The following ACAD11 variants were observed in gnomAD, a reference collection of about 807,000 sequenced individuals.
ACAD11 encodes the protein acyl-Coenzyme A dehydrogenase family, member 11.
ACAD11 carries 83 observed loss-of-function variants against 102.2 expected under a neutral mutation model. The ratio of observed to expected loss-of-function variants is 0.81; its 90% confidence interval spans 0.68 to 0.97. ACAD11 has a LOEUF of 0.97. ACAD11 is among the 50% of genes least tolerant of loss of function. The probability of loss-of-function intolerance (pLI) is 0.00; values close to 1 mark genes in which losing one functional copy is unlikely to be tolerated. For synonymous variants in ACAD11, 324 were observed against 319.8 expected (o/e 1.01, Z -0.14); for missense variants, 901 against 951.7 (o/e 0.95, Z 0.70).
intron 1 of ACAD11, chr3:132,654,598 A>G (rs540371268): frequency 2.0e-5 from 3 of 152,364 alleles, no homozygotes; most frequent in African/African-American, 7.2e-5. Context: ...ATCTCTGCCC[A>G]TGAGAACTCT....
intron 15 of ACAD11, among the ~76,000 whole-genome samples, chr3:132,577,908 C>A (rs929667419): frequency 1.8e-4 from 27 of 152,174 alleles, no homozygotes; most frequent in African/African-American, 6.5e-4. Context: ...TTCCTACATG[C>A]AATTTTCTCC....
chr3:132,559,733 A>G (rs1461956919), intron 19 of ACAD11, 100 bp downstream of exon 19: 2 of 896,856 alleles, frequency 2.2e-6, no homozygotes, highest in African/African-American at 3.4e-5. Context: ...GCCTTCAATT[A>G]CACTGAAAAT....
At chr3:132,573,075 C>G (rs1937427692) in intron 17 of ACAD11, among the ~76,000 whole-genome samples, 1 of 152,198 alleles carries the variant, frequency 6.6e-6, no homozygotes, top group Admixed American at 6.5e-5. Context: ...TGCTCTCCCT[C>G]TCCTTGCCCC....
chr3:132,561,016 T>G (rs1354587612), intron 18 of ACAD11, 85 bp downstream of exon 18: 4 of 1,016,016 alleles, frequency 3.9e-6, no homozygotes, highest in South Asian at 1.4e-5. Flanking sequence ...GCCATCAAGA[T>G]GCCATGAAAA....
At chr3:132,605,075 A>C in intron 12 of ACAD11, 23 bp downstream of exon 12, 2 of 1,549,510 alleles carry the variant, frequency 1.3e-6, no homozygotes, top group Non-Finnish European at 1.8e-6. Flanking sequence ...CTACACAAGG[A>C]GAGAATGGTG....
intron 13 of ACAD11, among the ~76,000 whole-genome samples, chr3:132,584,067 T>C (rs1576560477): frequency 6.6e-6 from 1 of 152,216 alleles, no homozygotes; most frequent in East Asian, 1.9e-4. Flanking sequence ...TGTAGATGTC[T>C]ACTAGGTCCG....
chr3:132,590,795 A>C lies in ACAD11; in HGVS notation c.1622-11237T>G, dbSNP rs113626563. On this transcript the variant is annotated intron_variant, in intron 13 of 19. Transcript: ENST00000264990. Reference sequence around the variant, plus strand: ...GTTTCTTTCATATTTTGTTGGCTGCATATATATCTTCCTTTGAAAAGTTTC... The same window carrying C: ...GTTTCTTTCATATTTTGTTGGCTGCCTATATATCTTCCTTTGAAAAGTTTC... 6.3e-3 allele frequency among the ~76,000 whole-genome samples: 959 copies of C among 152,270 alleles called. 7 individuals are homozygous for C. The highest frequency in any genetic ancestry group is 0.022 in the African/African-American group (933 of 41,554).
chr3:132,565,560 A>C (rs974581049), intron 17 of ACAD11, among the ~76,000 whole-genome samples: 1 of 152,208 alleles, frequency 6.6e-6, no homozygotes, highest in African/African-American at 2.4e-5. Context: ...ATCACCCATA[A>C]TACCAAAAAC....
chr3:132,641,845 G>T, intron 4 of ACAD11, 127 bp downstream of exon 4: 2 of 814,290 alleles, frequency 2.5e-6, no homozygotes, highest in Non-Finnish European at 3.6e-6. Context: ...TAGTCATTCT[G>T]AAGGACAATG....
chr3:132,628,311 G>C, intron 8 of ACAD11, 29 bp downstream of exon 8: 1 of 1,536,668 alleles, frequency 6.5e-7, no homozygotes, highest in Non-Finnish European at 9.0e-7. Context: ...GCTCTAATTT[G>C]AGTTAGCCAA....
chr3:132,611,217 C>A (rs962703619), intron 11 of ACAD11, among the ~76,000 whole-genome samples: 1 of 152,034 alleles, frequency 6.6e-6, no homozygotes, highest in African/African-American at 2.4e-5. Context: ...ATCAATGGGA[C>A]GTATCTCAAA....
intron 11 of ACAD11, among the ~76,000 whole-genome samples, chr3:132,607,155 C>G (rs532206096): frequency 5.6e-4 from 85 of 152,248 alleles, no homozygotes; most frequent in African/African-American, 1.9e-3. Context: ...GAAAAATCCA[C>G]GAAGATGAGG....
At chr3:132,608,304 G>A (rs1231619812) in intron 11 of ACAD11, among the ~76,000 whole-genome samples, 1 of 152,216 alleles carries the variant, frequency 6.6e-6, no homozygotes, top group Middle Eastern at 3.4e-3. Context: ...TGGGTTAAAT[G>A]CCCCAATTTA....
intron 13 of ACAD11, 106 bp from the exon 14 acceptor site, chr3:132,579,664 T>TA (rs1937571070): frequency 1.2e-6 from 1 of 804,696 alleles, no homozygotes; most frequent in Admixed American, 2.3e-5. Flanking sequence ...AGAAAACAAA[T>TA]AGAGAGAACA....
At position 132,578,796 on chromosome 3, in the gene ACAD11, C is replaced by A; in HGVS notation, c.1774G>T (p.Asp592Tyr). 6.2e-7 allele frequency: 1 copy of A among 1,612,196 alleles called. No homozygotes were observed. Among genetic ancestry groups the A allele is most frequent in the Non-Finnish European group, 8.5e-7 (1 of 1,179,230 alleles). The change falls in exon 15 of 20, where the codon GAT becomes TAT. Residue 592 changes from aspartate to tyrosine, a missense_variant and splice_region_variant. Transcript: ENST00000264990. ...IRPLSVFGYT[D>Y]NFHGGHFEIH... ...ATGGTCATATTTATTGGATACCTAC[C>A]TGTGTAGCCAAAAACTGACAAAGGC...
At chr3:132,590,368 G>A (rs925836468) in intron 13 of ACAD11, among the ~76,000 whole-genome samples, 8 of 151,946 alleles carry the variant, frequency 5.3e-5, no homozygotes, top group Admixed American at 1.3e-4. Flanking sequence ...AGTGATTCTC[G>A]TGCCTTGGCC....
chr3:132,647,688 G>A (rs1452716721), intron 1 of ACAD11, among the ~76,000 whole-genome samples: 3 of 152,178 alleles, frequency 2.0e-5, no homozygotes, highest in Non-Finnish European at 4.4e-5. Context: ...ATGAGATCAG[G>A]AAATGGGTGA....
intron 13 of ACAD11, among the ~76,000 whole-genome samples, chr3:132,589,752 G>A (rs755125407): frequency 4.6e-5 from 7 of 152,068 alleles, no homozygotes; most frequent in Non-Finnish European, 8.8e-5. Flanking sequence ...TAAATGTGAA[G>A]GTTTGTTACA....
At chr3:132,612,092 T>C (rs2107838015) in intron 11 of ACAD11, among the ~76,000 whole-genome samples, 1 of 152,142 alleles carries the variant, frequency 6.6e-6, no homozygotes, top group East Asian at 1.9e-4. Flanking sequence ...CTATCTGATC[T>C]TTGATAAACC....
Sources: gnomAD v4.1 joint callset for allele counts (sites outside exome capture counted in the v4.1 genomes callset) on GRCh38, gnomAD v4.1.1 for gene constraint, MANE v1.5 for transcripts, NCBI Gene and HGNC (gene_info 2026-07-23, HGNC 2026-07-21) for gene names.